HMMR: variants seen among roughly 807,000 people sequenced by gnomAD.
The protein encoded by HMMR is intracellular hyaluronic acid-binding protein.
In HMMR, 108 loss-of-function variants were observed where a neutral mutation model predicts 101.0. The ratio of observed to expected loss-of-function variants is 1.07; its 90% CI spans 0.92 to 1.25. The LOEUF is 1.25. Ranked by LOEUF, HMMR falls within the 50% of genes most tolerant of loss-of-function variation. HMMR has a pLI of 0.00. For missense variants in HMMR, 813 were observed against 788.7 expected (o/e 1.03, Z -0.37); for synonymous variants, 296 against 276.4 (o/e 1.07, Z -0.70).
At chr5:163,462,681 A>G (rs539106661) in intron 1 of HMMR, among the ~76,000 whole-genome samples, 1 of 152,004 alleles carries the variant, frequency 6.6e-6, no homozygotes, top group African/African-American at 2.4e-5. Context: ...ACAAAAAACT[A>G]GCTGGGCGTG....
At chr5:163,478,880 G>A (rs1759160547) in intron 12 of HMMR, 80 bp downstream of exon 12, 2 of 786,682 alleles carry the variant, frequency 2.5e-6, no homozygotes, top group Admixed American at 1.8e-5. Flanking sequence ...TGTGAGCAAA[G>A]CAGTCACACA....
At chr5:163,478,835 A>T in intron 12 of HMMR, 35 bp downstream of exon 12, 1 of 1,149,424 alleles carries the variant, frequency 8.7e-7, no homozygotes, top group Non-Finnish European at 1.3e-6. Flanking sequence ...CTTAAATATG[A>T]TGTGTGCAGA....
intron 11 of HMMR, 40 bp from the exon 12 acceptor site, chr5:163,478,644 G>A (rs368911197): frequency 1.7e-6 from 2 of 1,150,660 alleles, no homozygotes; most frequent in South Asian, 2.5e-5. Context: ...GGTAGTAATT[G>A]TAGGTGGCAT....
chr5:163,475,730 A>G (rs1033811949), intron 11 of HMMR, 58 bp downstream of exon 11: 5 of 822,036 alleles, frequency 6.1e-6, no homozygotes, highest in Non-Finnish European at 9.3e-6. Context: ...TATTTTGAGT[A>G]CTTTTTTTAG....
At chr5:163,469,590 A>T in intron 4 of HMMR, 51 bp from the exon 5 acceptor site, 1 of 1,463,048 alleles carries the variant, frequency 6.8e-7, no homozygotes. Context: ...GCATCTCCTT[A>T]TGTTGGCATT....
At chr5:163,471,903 G>T (rs1409206004) in intron 7 of HMMR, among the ~76,000 whole-genome samples, 2 of 152,064 alleles carry the variant, frequency 1.3e-5, no homozygotes, top group Admixed American at 6.5e-5. Context: ...AAACAAGATA[G>T]AGAACATTTT....
At chr5:163,464,839 G>T in intron 3 of HMMR, 37 bp downstream of exon 3, 1 of 1,287,126 alleles carries the variant, frequency 7.8e-7, no homozygotes, top group Non-Finnish European at 1.1e-6. Flanking sequence ...TTTATCAAGT[G>T]TATCATCAAA....
At position 163,484,388 on chromosome 5, in the gene HMMR, T is replaced by C. The variant is rs185757261; in HGVS notation, c.1962+143T>C. On this transcript the variant is annotated intron_variant, in intron 16 of 17. Coordinates refer to ENST00000393915, the MANE Select transcript of HMMR (RefSeq NM_001142556.2). The stretch of plus-strand genomic sequence containing the variant: ...AAATTGAGCTGTGATTTAGTGGATT[T>C]ATTTTAGAGTGTTGACCAGATGGGC... 93 of 538,628 alleles carry C rather than the reference T, an allele frequency of 1.7e-4. 1 individual carries two copies. The highest frequency in any genetic ancestry group is 9.6e-4 in the Middle Eastern group (2 of 2,080). 33.4% of individuals were successfully genotyped at this position (538,628 alleles called of 1,614,324 possible).
intron 16 of HMMR, among the ~76,000 whole-genome samples, chr5:163,490,097 A>T (rs989360711): frequency 6.6e-6 from 1 of 152,234 alleles, no homozygotes; most frequent in Non-Finnish European, 1.5e-5. Flanking sequence ...CAGAACTTTC[A>T]TGCTGTCATG....
At chr5:163,487,452 A>T (rs964725774) in intron 16 of HMMR, among the ~76,000 whole-genome samples, 13 of 152,092 alleles carry the variant, frequency 8.5e-5, no homozygotes, top group African/African-American at 3.1e-4. Context: ...AATGAGTGAG[A>T]AATGTTCCCT....
At chr5:163,476,443 T>G (rs894362204) in intron 11 of HMMR, among the ~76,000 whole-genome samples, 2 of 152,210 alleles carry the variant, frequency 1.3e-5, no homozygotes, top group Non-Finnish European at 2.9e-5. Context: ...ATTACATTTT[T>G]CCGGGAGCAC....
intron 16 of HMMR, among the ~76,000 whole-genome samples, chr5:163,485,910 T>G (rs1229632478): frequency 6.6e-6 from 1 of 152,236 alleles, no homozygotes; most frequent in Admixed American, 6.5e-5. Flanking sequence ...AGAATATTCT[T>G]GCCTCCAGTT....
At chr5:163,467,403 A>G (rs1252677304) in intron 3 of HMMR, among the ~76,000 whole-genome samples, 1 of 152,242 alleles carries the variant, frequency 6.6e-6, no homozygotes, top group Admixed American at 6.5e-5. Context: ...TTGCTATTTA[A>G]CATTAGAGGG....
At position 163,490,567 on chromosome 5, in the gene HMMR, A is replaced by G; in HGVS notation, c.2125+15A>G. The G allele has an allele frequency of 6.4e-7, 1 of 1,562,512 alleles. No homozygotes were observed. On this transcript the variant is annotated intron_variant, in intron 17 of 17. Transcript: ENST00000393915. ...ATTAAAAGAAGGTAAGACATGAATA[A>G]ATGTATAAAAGTGTCCTCTTCCTTT... is the stretch of plus-strand genomic sequence containing the variant.
rs1485533158 is a variant in HMMR, at chr5:163,491,099, A to G, written c.2126-13A>G. 6.6e-6 allele frequency: 10 copies of G among 1,507,804 alleles called. No homozygotes were observed. The highest frequency in any genetic ancestry group is 8.1e-6 in the Non-Finnish European group (9 of 1,112,376). The allele number at this position is 1,507,804 out of a possible 1,614,324, so 93.4% of individuals were successfully genotyped here. A position where few individuals can be genotyped will look rare whatever the true frequency, so the allele number is the denominator to read the frequency against. ...TCTAGATTACTAATCCTTCTTTTCA[A>G]TAATTCTTCTAGGCAATACAAACTG... is the stretch of plus-strand genomic sequence containing the variant. On this transcript the variant is annotated splice_polypyrimidine_tract_variant and intron_variant, in intron 17 of 17. Coordinates refer to ENST00000393915, the MANE Select transcript of HMMR (RefSeq NM_001142556.2).
At chr5:163,491,006 G>C (rs1759673544) in intron 17 of HMMR, 106 bp from the exon 18 acceptor site, 1 of 561,390 alleles carries the variant, frequency 1.8e-6, no homozygotes, top group East Asian at 3.1e-5. Context: ...AGAATATATT[G>C]CTTCATCTGC....
intron 16 of HMMR, among the ~76,000 whole-genome samples, chr5:163,484,755 T>A (rs1561646774): frequency 6.6e-6 from 1 of 152,066 alleles, no homozygotes; most frequent in Admixed American, 6.5e-5. Flanking sequence ...TTCCTAACAC[T>A]CTCCTATCTC....
chr5:163,474,573 T>G, intron 10 of HMMR: 1 of 456,192 alleles, frequency 2.2e-6, no homozygotes, highest in Non-Finnish European at 4.4e-6. Context: ...ATAGAACATT[T>G]TACATATCAG....
At chr5:163,461,328 CTAT>C (rs1207632273) in intron 1 of HMMR, among the ~76,000 whole-genome samples, 3 of 152,060 alleles carry the variant, frequency 2.0e-5, no homozygotes, top group African/African-American at 7.2e-5. Context: ...AGGGGTAATC[CTAT>C]TATTATTTTA....
Sources: gnomAD v4.1 joint callset for allele counts (sites outside exome capture counted in the v4.1 genomes callset) on GRCh38, gnomAD v4.1.1 for gene constraint, MANE v1.5 for transcripts, NCBI Gene and HGNC (gene_info 2026-07-23, HGNC 2026-07-21) for gene names.